The following DND1 variants were observed in gnomAD, a reference collection of about 807,000 sequenced individuals.
DND1 encodes DND microRNA-mediated repression inhibitor 1, also known as dead end protein homolog 1.
DND1 carries 6 observed loss-of-function variants against 30.4 expected under a neutral mutation model. The ratio of observed to expected loss-of-function variants is 0.20; its 90% CI spans 0.11 to 0.39. The LOEUF is 0.39. Among genes scored for constraint, DND1 ranks in the 10% least tolerant of loss-of-function variants. The pLI, the probability that DND1 is intolerant of heterozygous loss-of-function variation, is 1.00. For missense variants in DND1, 358 were observed against 474.9 expected, an observed-to-expected ratio of 0.75 and a Z score of 2.29; for synonymous variants, 178 against 210.4, an observed-to-expected ratio of 0.85 and a Z score of 1.33.
intron 2 of DND1, 27 bp downstream of exon 2, chr5:140,673,244 C>G (rs1329634659): frequency 6.2e-7 from 1 of 1,610,032 alleles, no homozygotes; most frequent in Admixed American, 1.7e-5. Context: ...TGTAGCCGGA[C>G]AGGCGGAGGG....
chr5:140,672,589 G>C lies in DND1; in HGVS notation c.460C>G (p.Leu154Val). The stretch of plus-strand genomic sequence containing the variant: ...CCCAGCGGCTGCAGCGCGAGCAGCA[G>C]CGCGCTGCGGGTCAGATTCGGCGGC... ...GLPPNLTRSA[L>V]LLALQPLGPG... The change falls in exon 3 of 4, where the codon CTG becomes GTG. Residue 154 changes from leucine to valine, a missense_variant. Transcript: ENST00000542735. The C allele has an allele frequency of 1.3e-6, 2 of 1,576,212 alleles. No individual in the cohort carries two copies. Among genetic ancestry groups the C allele is most frequent in the South Asian group, 2.3e-5 (2 of 88,400 alleles).
Position 140,673,335 on chromosome 5 carries a change from G to A in DND1, c.78C>T (p.Val26=). The change falls in exon 2 of 4, where the codon GTC becomes GTT. Residue 26 remains valine (V), a synonymous_variant. Transcript: ENST00000542735. ...PENKAALEAW[V]RETGIRLVQV... Reference sequence around the variant, plus strand: ...GCACCAGGCGGATGCCTGTCTCCCTGACCCACGCCTCCAGCGCCGCCTTGT... The same window carrying A: ...GCACCAGGCGGATGCCTGTCTCCCTAACCCACGCCTCCAGCGCCGCCTTGT... 6.2e-7 allele frequency: 1 copy of A among 1,614,110 alleles called. No homozygotes were observed. The highest frequency in any genetic ancestry group is 8.5e-7 in the Non-Finnish European group (1 of 1,179,988).
intron 3 of DND1, 91 bp downstream of exon 3, chr5:140,672,354 T>A (rs1758104848): frequency 7.3e-7 from 1 of 1,371,278 alleles, no homozygotes; most frequent in South Asian, 1.3e-5. Flanking sequence ...CATGTTTGAC[T>A]CTAAGATCTT....
At position 140,672,427 on chromosome 5, in the gene DND1, AC is replaced by A. The variant is rs768077931; in HGVS notation, c.604+17del. 2.5e-6 allele frequency: 4 copies of A among 1,576,224 alleles called. No individual in the cohort carries two copies. The highest frequency in any genetic ancestry group is 3.4e-6 in the Non-Finnish European group (4 of 1,162,598). ...CAGAACGCGTTTGGCCCCAACCAGC[AC>A]CCCCGCCCCAGCCTACCTTCCACCA... On this transcript the variant is annotated intron_variant, in intron 3 of 3. Transcript: ENST00000542735.
In DND1 at chr5:140,671,433, C is replaced by T. The variant is rs202148033; in HGVS notation, c.922G>A (p.Val308Met). 109 of 1,612,024 alleles carry T rather than the reference C, an allele frequency of 6.8e-5. No homozygotes were observed. The East Asian group carries it at 2.4e-3, about 35-fold the overall frequency. ...PVPFSGLIWV[V>M]LTLDGRDGHE... ...CCATCCCGGCCATCTAGGGTCAGCA[C>T]AACCCAGATGAGGCCGCTGAAGGGC... Residue 308 changes from valine (V) to methionine (M), a missense_variant, in exon 4 of 4, where the codon GTG becomes ATG. By Grantham distance (21) the Val-to-Met change is conservative (BLOSUM62 1). Transcript: ENST00000542735.
rs756941934 is a variant in DND1 at position 140,671,461 on chromosome 5, C to T, written c.894G>A (p.Pro298=). The part of the protein sequence containing the change: ...FWYQVVIPGH[P]VPFSGLIWVV... The stretch of plus-strand genomic sequence containing the variant: ...CCCAGATGAGGCCGCTGAAGGGCAC[C>T]GGATGCCCAGGAATCACCACCTGGT... Residue 298 remains proline (P), a synonymous_variant, in exon 4 of 4, where the codon CCG becomes CCA. Coordinates refer to ENST00000542735, the MANE Select transcript of DND1 (RefSeq NM_194249.3). 1.7e-5 allele frequency: 28 copies of T among 1,609,090 alleles called. No homozygotes were observed. Among genetic ancestry groups the T allele is most frequent in the South Asian group, 7.7e-5 (7 of 90,688 alleles).
Position 140,671,082 on chromosome 5 carries a change from C to T in DND1, c.*211G>A, listed in dbSNP as rs57919623. The T allele has an allele frequency of 3.8e-3, 2,471 of 642,468 alleles. 39 individuals are homozygous for T. In the African/African-American group the frequency reaches 0.041, roughly 11 times the overall value. 39.8% of individuals were successfully genotyped at this position (642,468 alleles called of 1,614,324 possible). A position where few individuals can be genotyped will look rare whatever the true frequency, so the allele number is the denominator to read the frequency against. On this transcript the variant is annotated 3_prime_UTR_variant, in exon 4 of 4. Transcript: ENST00000542735. ...GTCAGGTTGGACCCTGGGCTGGGAG[C>T]GGGAGGGCAAGGCCCCTCACCACAA...
At position 140,673,053 on chromosome 5, in the gene DND1, G is replaced by A. The variant is rs1361394170; in HGVS notation, c.143-147C>T. Reference sequence around the variant, plus strand: ...GTACCCTGGGTGGTTGGCATAATTAGGTGACTGCGCTAACAAGGGGGCTGG... The same window carrying A: ...GTACCCTGGGTGGTTGGCATAATTAAGTGACTGCGCTAACAAGGGGGCTGG... On this transcript the variant is annotated intron_variant, in intron 2 of 3. Transcript: ENST00000542735. 9 of 1,060,746 alleles carry A rather than the reference G, an allele frequency of 8.5e-6. No homozygotes were observed. In the African/African-American group the frequency reaches 1.4e-4, roughly 16 times the overall value. The allele number at this position is 1,060,746 out of a possible 1,614,324, so 65.7% of individuals were successfully genotyped here.
Position 140,673,398 on chromosome 5 carries a change from A to G in DND1, c.25-10T>C, listed in dbSNP as rs1447664981. ...CCCTCTCACACCACAGCTGAGAGGGAAAGGAAGGTTGGAATGGCGGATCGC... is the reference window on the plus strand; with the variant it reads ...CCCTCTCACACCACAGCTGAGAGGGGAAGGAAGGTTGGAATGGCGGATCGC... On this transcript the variant is annotated splice_polypyrimidine_tract_variant and intron_variant, in intron 1 of 3. Coordinates refer to ENST00000542735, the MANE Select transcript of DND1 (RefSeq NM_194249.3). 3.1e-6 allele frequency: 5 copies of G among 1,613,926 alleles called. No homozygotes were observed. The African/African-American group carries it at 5.3e-5, about 17-fold the overall frequency.
At chr5:140,671,854 C>T in intron 3 of DND1, 104 bp from the exon 4 acceptor site, 1 of 1,282,398 alleles carries the variant, frequency 7.8e-7, no homozygotes, top group Non-Finnish European at 1.1e-6. Flanking sequence ...GTAGCCTTCC[C>T]ATTTCCTGGT....
In DND1 at chr5:140,672,565, C is replaced by T. The variant is rs143867711; in HGVS notation, c.484G>A (p.Gly162Ser). 4.4e-6 allele frequency: 7 copies of T among 1,583,492 alleles called. No individual in the cohort carries two copies. The highest frequency in any genetic ancestry group is 5.1e-6 in the Non-Finnish European group (6 of 1,170,588). Residue 162 changes from glycine (G) to serine (S), a missense_variant, in exon 3 of 4, where the codon GGT (glycine) becomes AGT (serine). Transcript: ENST00000542735. ...AGCCGCGCCTCCTGCAAGCCGGGACCCAGCGGCTGCAGCGCGAGCAGCAGC... is the reference window on the plus strand; with the variant it reads ...AGCCGCGCCTCCTGCAAGCCGGGACTCAGCGGCTGCAGCGCGAGCAGCAGC... The part of the protein sequence containing the change: ...SALLLALQPL[G>S]PGLQEARLLP...
intron 3 of DND1, 24 bp downstream of exon 3, chr5:140,672,421 A>G (rs377110867): frequency 9.5e-6 from 15 of 1,574,008 alleles, no homozygotes; most frequent in Admixed American, 7.4e-5. Context: ...TTTGGCCCCA[A>G]CCAGCACCCC....
At position 140,671,414 on chromosome 5, in the gene DND1, C is replaced by T. The variant is rs1459665994; in HGVS notation, c.941G>A (p.Arg314Gln). ...LIWVVLTLDG[R>Q]DGHEVAKDAV... Reference sequence around the variant, plus strand: ...ATCCTTGGCCACCTCATGCCCATCCCGGCCATCTAGGGTCAGCACAACCCA... The same window carrying T: ...ATCCTTGGCCACCTCATGCCCATCCTGGCCATCTAGGGTCAGCACAACCCA... The change falls in exon 4 of 4, where the codon CGG (arginine) becomes CAG (glutamine). Residue 314 changes from arginine to glutamine, a missense_variant. By Grantham distance (43) the Arg-to-Gln change is conservative. Transcript: ENST00000542735. 11 of 1,612,274 alleles carry T rather than the reference C, an allele frequency of 6.8e-6. No individual in the cohort carries two copies. Among genetic ancestry groups the T allele is most frequent in the East Asian group, 2.2e-5 (1 of 44,888 alleles).
At chr5:140,672,231 T>G in intron 3 of DND1, 1 of 604,428 alleles carries the variant, frequency 1.7e-6, no homozygotes, top group Non-Finnish European at 2.9e-6. Flanking sequence ...GGTTGAGAAT[T>G]AAGTCAGGAG....
In DND1 at chr5:140,672,711, G is replaced by A. The variant is rs1226725973; in HGVS notation, c.338C>T (p.Ala113Val). ...ATGGTTGTGCAGCGTGGCGATGGCG[G>A]CCTGCGCGCCGCGCCTCGAGCTGTA... ...ARYSSRRGAQ[A>V]AIATLHNHPL... Residue 113 changes from alanine to valine, a missense_variant, in exon 3 of 4, where the codon GCC becomes GTC. Transcript: ENST00000542735. 4 of 1,579,084 alleles carry A rather than the reference G, an allele frequency of 2.5e-6. No individual in the cohort carries two copies. Among genetic ancestry groups the A allele is most frequent in the Non-Finnish European group, 2.6e-6 (3 of 1,170,426 alleles).
At chr5:140,672,271 G>A in intron 3 of DND1, 174 bp downstream of exon 3, 1 of 692,154 alleles carries the variant, frequency 1.4e-6, no homozygotes, top group South Asian at 1.9e-5. Flanking sequence ...ACAAATTTAG[G>A]TAAGCGGTGG....
In DND1 at chr5:140,672,441, C is replaced by G; in HGVS notation, c.604+4G>C. On this transcript the variant is annotated splice_donor_region_variant and intron_variant, in intron 3 of 3. Coordinates refer to ENST00000542735, the MANE Select transcript of DND1 (RefSeq NM_194249.3). ...CCCCAACCAGCACCCCCGCCCCAGC[C>G]TACCTTCCACCAGGGCCTTTTTGGC... The G allele has an allele frequency of 6.3e-7, 1 of 1,597,926 alleles. No homozygotes were observed. Among genetic ancestry groups the G allele is most frequent in the Non-Finnish European group, 8.5e-7 (1 of 1,173,772 alleles).
chr5:140,672,083 T>G, intron 3 of DND1: 1 of 542,834 alleles, frequency 1.8e-6, no homozygotes, highest in Non-Finnish European at 3.3e-6. Context: ...TGTTACTTAA[T>G]TCTCATAACA....
intron 3 of DND1, 24 bp from the exon 4 acceptor site, chr5:140,671,774 G>C: frequency 3.9e-6 from 6 of 1,555,654 alleles, no homozygotes; most frequent in Non-Finnish European, 5.2e-6. Flanking sequence ...GCAAAGACAA[G>C]GGCAGGTCTA....
Sources: gnomAD v4.1 joint callset for allele counts on GRCh38, gnomAD v4.1.1 for gene constraint, MANE v1.5 for transcripts, NCBI Gene and HGNC (gene_info 2026-07-23, HGNC 2026-07-21) for gene names.